UMODL1: variants seen among roughly 807,000 people sequenced by gnomAD.
UMODL1 encodes the protein uromodulin-like 1.
In UMODL1, 128 loss-of-function variants were observed where a neutral mutation model predicts 136.3. That is an observed-to-expected ratio of 0.94 (90% CI 0.81 to 1.09). UMODL1 has a LOEUF of 1.09. UMODL1 is among the 50% of genes least tolerant of loss of function. The pLI is 0.00. For synonymous variants in UMODL1, 721 were observed against 720.0 expected, an observed-to-expected ratio of 1.00 and a Z score of -0.02; for missense variants, 1,766 against 1,725.6, an observed-to-expected ratio of 1.02 and a Z score of -0.41.
chr21:42,141,337 A>C (rs921334012), intron 22 of UMODL1, among the ~76,000 whole-genome samples: 1 of 152,200 alleles, frequency 6.6e-6, no homozygotes, highest in Non-Finnish European at 1.5e-5. Context: ...CTCTCCTGCC[A>C]GGACTCCTGG....
intron 2 of UMODL1, among the ~76,000 whole-genome samples, chr21:42,082,046 G>A (rs531572505): frequency 6.6e-6 from 1 of 152,330 alleles, no homozygotes; most frequent in East Asian, 1.9e-4. Flanking sequence ...TGAAGAGTGA[G>A]TCAGGGACAA....
chr21:42,114,773 T>G (rs1364755820), intron 13 of UMODL1, among the ~76,000 whole-genome samples: 1 of 152,240 alleles, frequency 6.6e-6, no homozygotes, highest in African/African-American at 2.4e-5. Flanking sequence ...AGATCAGTGC[T>G]GGCTGGACAG....
intron 2 of UMODL1, among the ~76,000 whole-genome samples, chr21:42,077,669 G>A (rs2066311720): frequency 6.6e-6 from 1 of 152,200 alleles, no homozygotes; most frequent in Admixed American, 6.5e-5. Context: ...TGGATGTGCT[G>A]GGAGTCAGCT....
chr21:42,126,812 C>T (rs2067061995), intron 18 of UMODL1, among the ~76,000 whole-genome samples, 194 bp from the exon 19 acceptor site: 1 of 152,176 alleles, frequency 6.6e-6, no homozygotes. Context: ...ACCTATACAA[C>T]TGAGGGAGGC....
At position 42,102,276 on chromosome 21, in the gene UMODL1, G is replaced by A. The variant is rs375359609; in HGVS notation, c.1297G>A (p.Glu433Lys). 25 of 1,602,834 alleles carry A rather than the reference G, an allele frequency of 1.6e-5. No homozygotes were observed. Among genetic ancestry groups the A allele is most frequent in the African/African-American group, 8.0e-5 (6 of 74,730 alleles). ...YQDFSRQLLHEVESSFPPVVS... is the reference protein window; with the variant it reads ...YQDFSRQLLHKVESSFPPVVS... ...GGACTTTTCTAGACAACTGCTTCAC[G>A]AGGTAAAGCCACAATGCAGACAGAA... Residue 433 changes from glutamate to lysine, a missense_variant and splice_region_variant, in exon 8 of 23, where the codon GAG (glutamate) becomes AAG (lysine). Glu to Lys is a moderately conservative substitution (Grantham distance 56, BLOSUM62 1). Coordinates refer to ENST00000408910, the MANE Select transcript of UMODL1 (RefSeq NM_001004416.3).
chr21:42,111,068 A>G lies in UMODL1; in HGVS notation c.1846A>G (p.Ser616Gly). 1 of 1,613,496 alleles carries G rather than the reference A, an allele frequency of 6.2e-7. No homozygotes were observed. Residue 616 changes from serine (S) to glycine (G), a missense_variant, in exon 11 of 23, where the codon AGC (serine) becomes GGC (glycine). Coordinates refer to ENST00000408910, the MANE Select transcript of UMODL1 (RefSeq NM_001004416.3). ...AGAGCCCTCACCCAGAAGAGGGGGCAGCAATGTGGTCGGGTATGACAGGAA... is the reference window on the plus strand; with the variant it reads ...AGAGCCCTCACCCAGAAGAGGGGGCGGCAATGTGGTCGGGTATGACAGGAA... ...TPEPSPRRGGSNVVGYDRNNT... is the reference protein window; with the variant it reads ...TPEPSPRRGGGNVVGYDRNNT...
chr21:42,124,127 C>T (rs1448688995), intron 17 of UMODL1, among the ~76,000 whole-genome samples: 1 of 151,628 alleles, frequency 6.6e-6, no homozygotes, highest in African/African-American at 2.4e-5. Context: ...TGTGTCACAG[C>T]GAACGCTCCC....
At chr21:42,083,723 A>G (rs1030554094) in intron 2 of UMODL1, among the ~76,000 whole-genome samples, 1 of 152,282 alleles carries the variant, frequency 6.6e-6, no homozygotes, top group Non-Finnish European at 1.5e-5. Context: ...CAGGTGCTCA[A>G]CAAATATTGA....
upstream of UMODL1, among the ~76,000 whole-genome samples, chr21:42,069,775 C>T (rs73905525): frequency 0.015 from 2,291 of 152,240 alleles, 56 homozygotes; most frequent in African/African-American, 0.051. Flanking sequence ...ATGATATATA[C>T]AAGATAATAC....
intron 1 of UMODL1, among the ~76,000 whole-genome samples, chr21:42,072,593 CG>C (rs1165756927): frequency 2.0e-5 from 3 of 152,184 alleles, no homozygotes; most frequent in Admixed American, 6.5e-5. Flanking sequence ...GTGGTCGCCC[CG>C]AATTTTCCCT....
chr21:42,112,964 CTG>C (rs1353584815), intron 12 of UMODL1: 1 of 152,842 alleles, frequency 6.5e-6, no homozygotes, highest in African/African-American at 2.4e-5. Flanking sequence ...CAGCAGGAAT[CTG>C]TGCAGGAGTT....
At chr21:42,129,007 T>TC (rs2067099062) in intron 20 of UMODL1, among the ~76,000 whole-genome samples, 1 of 151,840 alleles carries the variant, frequency 6.6e-6, no homozygotes, top group Non-Finnish European at 1.5e-5. Flanking sequence ...GTCCCAGGCC[T>TC]CTCTCCCAGC....
At chr21:42,113,892 G>T in intron 13 of UMODL1, 62 bp downstream of exon 13, 1 of 1,567,068 alleles carries the variant, frequency 6.4e-7, no homozygotes, top group Non-Finnish European at 8.7e-7. Context: ...ACTTTCTGTG[G>T]GTTAAGGCTT....
In UMODL1 at chr21:42,111,560, C is replaced by T; in HGVS notation, c.1954C>T (p.Pro652Ser). Residue 652 changes from proline (P) to serine (S), a missense_variant, in exon 12 of 23, where the codon CCC becomes TCC. Transcript: ENST00000408910. ...CTCCTGGCCTTCCCCTACTGAGGACCCCACCGGCCACTTCCTGTGGCATGC... is the reference window on the plus strand; with the variant it reads ...CTCCTGGCCTTCCCCTACTGAGGACTCCACCGGCCACTTCCTGTGGCATGC... ...PPSWPSPTED[P>S]TGHFLWHATR... 6.2e-7 allele frequency: 1 copy of T among 1,614,148 alleles called. No homozygotes were observed. The highest frequency in any genetic ancestry group is 8.5e-7 in the Non-Finnish European group (1 of 1,180,008).
chr21:42,121,114 ACGACTGTGTGCCGG>A lies in UMODL1; in HGVS notation c.2718_2731del (p.Asp906GlufsTer14). On this transcript the variant is annotated frameshift_variant, in exon 16 of 23. Transcript: ENST00000408910. LOFTEE classifies it high-confidence loss of function. The stretch of plus-strand genomic sequence containing the variant: ...TACGATGAGTGTGAAAGGAAGGAGG[ACGACTGTGTGCCGG>A]GGACATCCTGTCGAAACACCCTCGG... 1 of 1,613,866 alleles carries A rather than the reference ACGACTGTGTGCCGG, an allele frequency of 6.2e-7. No individual in the cohort carries two copies. The highest frequency in any genetic ancestry group is 8.5e-7 in the Non-Finnish European group (1 of 1,179,904).
At chr21:42,084,040 T>C (rs1472025539) in intron 2 of UMODL1, 44 bp from the exon 3 acceptor site, 13 of 1,599,588 alleles carry the variant, frequency 8.1e-6, no homozygotes, top group South Asian at 7.8e-5. Context: ...AAATCAGGTT[T>C]GTCTTTTATC....
Position 42,085,201 on chromosome 21 carries a change from T to C in UMODL1, c.482-90T>C. 1 of 1,516,968 alleles carries C rather than the reference T, an allele frequency of 6.6e-7. No individual in the cohort carries two copies. The highest frequency in any genetic ancestry group is 2.3e-5 in the East Asian group (1 of 43,684). The allele number at this position is 1,516,968 out of a possible 1,614,324, so 94.0% of individuals were successfully genotyped here. On this transcript the variant is annotated intron_variant, in intron 3 of 22. Transcript: ENST00000408910. The surrounding 1 kb of genome is among the most constrained non-coding windows in gnomAD (Gnocchi z 4.5). ...GAGCAGGGCCTCTCATGGCCTCTGG[T>C]TCCCTCTCCTGCCCCCTCTCCCACC...
At chr21:42,105,783 G>A (rs188255722) in intron 9 of UMODL1, among the ~76,000 whole-genome samples, 148 of 151,910 alleles carry the variant, frequency 9.7e-4, no homozygotes, top group Middle Eastern at 7.0e-3. Flanking sequence ...CCTGGAGTTT[G>A]GACTTCGCCT....
chr21:42,108,260 T>C (rs369568174), intron 9 of UMODL1: 46 of 488,080 alleles, frequency 9.4e-5, no homozygotes, highest in African/African-American at 7.3e-4. Context: ...CAGCCTAGGC[T>C]CCAACCCCAA....
Sources: gnomAD v4.1 joint callset for allele counts (sites outside exome capture counted in the v4.1 genomes callset) on GRCh38, gnomAD v4.1.1 for gene constraint, Gnocchi (gnomAD v3.1) non-coding constraint, MANE v1.5 for transcripts, NCBI Gene and HGNC (gene_info 2026-07-23, HGNC 2026-07-21) for gene names.